The following NUDCD1 variants were observed in gnomAD, a reference collection of about 807,000 sequenced individuals.
NUDCD1 encodes nudC domain-containing protein 1.
NUDCD1 carries 60 observed loss-of-function variants against 67.8 expected under a neutral mutation model. The observed-to-expected ratio is 0.88, with a 90% CI of 0.72 to 1.10. NUDCD1 has a LOEUF of 1.10. NUDCD1 is among the 50% of genes least tolerant of loss of function. The pLI, the probability that NUDCD1 is intolerant of heterozygous loss-of-function variation, is 0.00. For synonymous variants in NUDCD1, 244 were observed against 230.8 expected (o/e 1.06, Z -0.52); for missense variants, 643 against 695.0 (o/e 0.93, Z 0.84).
At chr8:109,298,244 T>G (rs1010811084) in intron 2 of NUDCD1, among the ~76,000 whole-genome samples, 1 of 152,170 alleles carries the variant, frequency 6.6e-6, no homozygotes, top group Non-Finnish European at 1.5e-5. Flanking sequence ...CTATTAGTAG[T>G]AAACATCAAG....
At chr8:109,280,009 G>GA (rs1463542617) in intron 6 of NUDCD1, among the ~76,000 whole-genome samples, 1 of 152,038 alleles carries the variant, frequency 6.6e-6, no homozygotes, top group East Asian at 1.9e-4. Context: ...ATTTACATAA[G>GA]AAAAAATTAC....
chr8:109,270,067 C>G (rs867299104), intron 8 of NUDCD1, among the ~76,000 whole-genome samples: 7 of 4,552 alleles, frequency 1.5e-3, no homozygotes, highest in African/African-American at 4.3e-3. Flanking sequence ...GTGGCGGGGG[C>G]GGGGGGGGGG....
intron 4 of NUDCD1, among the ~76,000 whole-genome samples, chr8:109,292,820 T>A (rs1239595030): frequency 6.6e-6 from 1 of 152,078 alleles, no homozygotes; most frequent in Non-Finnish European, 1.5e-5. Flanking sequence ...TCAGGACTAT[T>A]CTAAACATGG....
rs1814428316 is a variant in NUDCD1, at chr8:109,281,135, C to G, written c.861G>C (p.Leu287Phe). The change falls in exon 6 of 10, where the codon TTG becomes TTC. Residue 287 changes from leucine (L) to phenylalanine (F), a missense_variant. Physicochemically the swap from Leu to Phe is conservative, Grantham distance 22 (BLOSUM62 0). Coordinates refer to ENST00000239690, the MANE Select transcript of NUDCD1 (RefSeq NM_032869.4). ...LYYWQQTEDD[L>F]TVTIRLPEDS... Reference sequence around the variant, plus strand: ...CTTCTGGAAGCCGTATGGTTACTGTCAAATCATCTTCAGTCTGTTGCCAGT... The same window carrying G: ...CTTCTGGAAGCCGTATGGTTACTGTGAAATCATCTTCAGTCTGTTGCCAGT... 2 of 1,613,252 alleles carry G rather than the reference C, an allele frequency of 1.2e-6. No individual in the cohort carries two copies. Among genetic ancestry groups the G allele is most frequent in the Non-Finnish European group, 8.5e-7 (1 of 1,179,520 alleles).
At chr8:109,308,992 C>T (rs1044159648) in intron 2 of NUDCD1, among the ~76,000 whole-genome samples, 4 of 149,618 alleles carry the variant, frequency 2.7e-5, no homozygotes, top group Admixed American at 6.7e-5. Context: ...AAAAAAAGTC[C>T]GGGACCAGAC....
At chr8:109,252,310 T>A (rs1381728209) in intron 8 of NUDCD1, among the ~76,000 whole-genome samples, 1 of 152,162 alleles carries the variant, frequency 6.6e-6, no homozygotes, top group Non-Finnish European at 1.5e-5. Context: ...ATAACCTGGA[T>A]GATTTTCTGC....
chr8:109,243,113 G>A lies in NUDCD1; in HGVS notation c.1648C>T (p.Leu550=), dbSNP rs962644829. 1 of 1,613,750 alleles carries A rather than the reference G, an allele frequency of 6.2e-7. No individual in the cohort carries two copies. ...GQVAKQQVAS[L]ETNDPILGFQ... ...CCTAAAATAGGATCATTGGTTTCTA[G>A]GCTTGCTACTTGCTGCTTAGCAACC... Residue 550 remains leucine (L), a synonymous_variant, in exon 10 of 10, where the codon CTA becomes TTA. Coordinates refer to ENST00000239690, the MANE Select transcript of NUDCD1 (RefSeq NM_032869.4).
intron 2 of NUDCD1, chr8:109,316,360 A>G (rs1387136443): frequency 6.6e-6 from 1 of 152,160 alleles, no homozygotes; most frequent in Non-Finnish European, 1.5e-5. Context: ...TTGGCTCCAG[A>G]CAGTCTGAAG....
At chr8:109,273,453 T>G (rs1461983593) in intron 7 of NUDCD1, among the ~76,000 whole-genome samples, 3 of 152,188 alleles carry the variant, frequency 2.0e-5, no homozygotes. Context: ...CATTAAGTGC[T>G]TTCATTGGAA....
chr8:109,266,722 T>A (rs1474750447), intron 8 of NUDCD1, among the ~76,000 whole-genome samples: 3 of 152,182 alleles, frequency 2.0e-5, no homozygotes, highest in Non-Finnish European at 4.4e-5. Flanking sequence ...TCATCTTCAA[T>A]TCTATCTGAA....
At chr8:109,320,600 T>C (rs1034294198) in intron 2 of NUDCD1, among the ~76,000 whole-genome samples, 5 of 152,152 alleles carry the variant, frequency 3.3e-5, no homozygotes, top group Middle Eastern at 3.2e-3. Context: ...CCTGAGGCGA[T>C]AGACATCCTC....
chr8:109,305,346 C>T (rs1815078950), intron 2 of NUDCD1, among the ~76,000 whole-genome samples: 1 of 152,044 alleles, frequency 6.6e-6, no homozygotes, highest in Non-Finnish European at 1.5e-5. Flanking sequence ...TTGGCCTTCC[C>T]ACCTCTATAC....
At chr8:109,307,847 T>G (rs1477815993) in intron 2 of NUDCD1, among the ~76,000 whole-genome samples, 7 of 152,058 alleles carry the variant, frequency 4.6e-5, no homozygotes, top group African/African-American at 1.4e-4. Flanking sequence ...AAAACAAACT[T>G]TAAAGCAACA....
At chr8:109,304,635 T>A (rs1815062719) in intron 2 of NUDCD1, among the ~76,000 whole-genome samples, 1 of 152,200 alleles carries the variant, frequency 6.6e-6, no homozygotes, top group African/African-American at 2.4e-5. Flanking sequence ...GAAAGAGGGT[T>A]CCTCTCTACG....
intron 8 of NUDCD1, among the ~76,000 whole-genome samples, chr8:109,249,615 T>C (rs1193722311): frequency 6.6e-6 from 1 of 152,230 alleles, no homozygotes; most frequent in Non-Finnish European, 1.5e-5. Flanking sequence ...CAATTTTATA[T>C]ATTCCTGTAA....
chr8:109,333,995 T>C lies in NUDCD1; in HGVS notation c.16A>G (p.Asn6Asp), dbSNP rs752874990. 4.3e-6 allele frequency: 7 copies of C among 1,614,138 alleles called. No individual in the cohort carries two copies. Among genetic ancestry groups the C allele is most frequent in the Middle Eastern group, 1.6e-4 (1 of 6,062 alleles). Residue 6 changes from asparagine (N) to aspartate (D), a missense_variant, in exon 1 of 10, where the codon AAT (asparagine) becomes GAT (aspartate). Transcript: ENST00000239690. ...GGTCTCTTCACCCGTAGGGAGCAATTAGCCGCCACCTCCATCGCTTTCCAG... is the reference window on the plus strand; with the variant it reads ...GGTCTCTTCACCCGTAGGGAGCAATCAGCCGCCACCTCCATCGCTTTCCAG... MEVAA[N>D]CSLRVKRPLL...
At chr8:109,325,729 T>C (rs545780131) in intron 1 of NUDCD1, among the ~76,000 whole-genome samples, 65 of 152,350 alleles carry the variant, frequency 4.3e-4, no homozygotes, top group African/African-American at 1.5e-3. Context: ...TTTATTTTTG[T>C]TGACAAATTC....
intron 9 of NUDCD1, 27 bp from the exon 10 acceptor site, chr8:109,243,328 G>T (rs1270020687): frequency 6.6e-7 from 1 of 1,513,982 alleles, no homozygotes; most frequent in Non-Finnish European, 8.9e-7. Flanking sequence ...ACAAACAAAA[G>T]AAAAACTATA....
chr8:109,285,786 A>AC (rs1294129525), intron 5 of NUDCD1, among the ~76,000 whole-genome samples: 3 of 152,172 alleles, frequency 2.0e-5, no homozygotes, highest in Non-Finnish European at 2.9e-5. Flanking sequence ...CTCCTATTCA[A>AC]CATAGTCCTG....
Sources: allele counts gnomAD v4.1 joint callset (sites outside exome capture counted in the v4.1 genomes callset), GRCh38; gene constraint gnomAD v4.1.1; transcripts MANE v1.5; gene names NCBI Gene and HGNC (gene_info 2026-07-23, HGNC 2026-07-21).